SLC16A7: variants seen among roughly 807,000 people sequenced by gnomAD.
SLC16A7 encodes solute carrier family 16 member 7.
In SLC16A7, 33 loss-of-function variants were observed where a neutral mutation model predicts 34.9. The ratio of observed to expected loss-of-function variants is 0.94; its 90% CI spans 0.72 to 1.26. The LOEUF (loss-of-function observed/expected upper bound fraction) is 1.26, where lower values mean the gene tolerates loss of function less well. SLC16A7 is among the 50% of genes most tolerant of loss of function. The pLI is 0.00. For synonymous variants in SLC16A7, 201 were observed against 206.6 expected, an observed-to-expected ratio of 0.97 and a Z score of 0.23; for missense variants, 573 against 578.1, an observed-to-expected ratio of 0.99 and a Z score of 0.09.
intron 3 of SLC16A7, among the ~76,000 whole-genome samples, chr12:59,726,578 T>G (rs1267329344): frequency 6.6e-6 from 1 of 152,150 alleles, no homozygotes; most frequent in Non-Finnish European, 1.5e-5. Flanking sequence ...ATTAACCAGT[T>G]TCTGATCCAC....
At chr12:59,646,362 G>T (rs1456258224) in intron 1 of SLC16A7, among the ~76,000 whole-genome samples, 1 of 152,198 alleles carries the variant, frequency 6.6e-6, no homozygotes, top group Non-Finnish European at 1.5e-5. Flanking sequence ...AACGGGCCAA[G>T]GTACAGCTCA....
Position 59,765,545 on chromosome 12 carries a change from A to C in SLC16A7, c.218-5674A>C, listed in dbSNP as rs535480592. On this transcript the variant is annotated intron_variant, in intron 3 of 5. Coordinates refer to ENST00000547379, the MANE Select transcript of SLC16A7 (RefSeq NM_001270623.2). ...GGAAGGGATCCAGTTTCAGCTTTCTACATATGGCTAGCCAGTTTTCCCAGC... is the reference window on the plus strand; with the variant it reads ...GGAAGGGATCCAGTTTCAGCTTTCTCCATATGGCTAGCCAGTTTTCCCAGC... Among the ~76,000 whole-genome samples the C allele has an allele frequency of 1.8e-4, 28 of 152,288 alleles. No homozygotes were observed. In the South Asian group the frequency reaches 3.9e-3, roughly 21 times the overall value.
At chr12:59,756,130 G>A (rs1213712150) in intron 3 of SLC16A7, among the ~76,000 whole-genome samples, 2 of 152,124 alleles carry the variant, frequency 1.3e-5, no homozygotes, top group East Asian at 1.9e-4. Context: ...AGTCTTAAAC[G>A]TTAGACCTAA....
At chr12:59,627,011 G>A (rs111850656) in intron 1 of SLC16A7, among the ~76,000 whole-genome samples, 3 of 151,846 alleles carry the variant, frequency 2.0e-5, no homozygotes, top group Non-Finnish European at 4.4e-5. Flanking sequence ...AAAAGTACTC[G>A]ACCTTTAAAT....
chr12:59,698,338 A>T (rs906977102), intron 2 of SLC16A7, among the ~76,000 whole-genome samples: 4 of 151,798 alleles, frequency 2.6e-5, no homozygotes, highest in African/African-American at 7.2e-5. Context: ...GCACATTTTT[A>T]TTAAATTTAT....
At chr12:59,614,529 AT>A (rs1879347574) in intron 1 of SLC16A7, among the ~76,000 whole-genome samples, 1 of 152,070 alleles carries the variant, frequency 6.6e-6, no homozygotes, top group Non-Finnish European at 1.5e-5. Flanking sequence ...GAAAAATTAT[AT>A]ATTCTTTGCC....
chr12:59,774,710 T>C lies in SLC16A7; in HGVS notation c.415T>C (p.Phe139Leu). The C allele has an allele frequency of 6.2e-7, 1 of 1,611,866 alleles. No individual in the cohort carries two copies. Among genetic ancestry groups the C allele is most frequent in the South Asian group, 1.1e-5 (1 of 90,542 alleles). ...CGCCTTAACCATAATTGGCAAATAC[T>C]TCTATAGGAAGCGACCCATGGCAAA... ...QPALTIIGKYFYRKRPMANGL... is the reference protein window; with the variant it reads ...QPALTIIGKYLYRKRPMANGL... The change falls in exon 5 of 6, where the codon TTC becomes CTC. Residue 139 changes from phenylalanine to leucine, a missense_variant. By Grantham distance (22) the Phe-to-Leu change is conservative. Transcript: ENST00000547379.
intron 3 of SLC16A7, among the ~76,000 whole-genome samples, chr12:59,745,352 A>G (rs1299583386): frequency 6.6e-6 from 1 of 152,224 alleles, no homozygotes; most frequent in Non-Finnish European, 1.5e-5. Flanking sequence ...ATAGAGTCCT[A>G]TTGGGTTGGG....
At chr12:59,756,455 C>G (rs1880360363) in intron 3 of SLC16A7, among the ~76,000 whole-genome samples, 2 of 151,920 alleles carry the variant, frequency 1.3e-5, no homozygotes, top group South Asian at 2.1e-4. Flanking sequence ...AGGACATGAA[C>G]AGACACTTCT....
intron 1 of SLC16A7, among the ~76,000 whole-genome samples, chr12:59,599,018 T>C (rs547588553): frequency 2.9e-4 from 44 of 152,318 alleles, no homozygotes; most frequent in South Asian, 6.2e-4. Flanking sequence ...AGTTAGTAAG[T>C]GGTTGAGCTG....
chr12:59,730,359 A>G (rs1228436507), intron 3 of SLC16A7, among the ~76,000 whole-genome samples: 1 of 151,866 alleles, frequency 6.6e-6, no homozygotes, highest in Admixed American at 6.6e-5. Context: ...AAAAAAAAAA[A>G]AAACAGACAA....
intron 1 of SLC16A7, among the ~76,000 whole-genome samples, chr12:59,639,446 A>T (rs1027316237): frequency 2.6e-5 from 4 of 152,134 alleles, no homozygotes; most frequent in East Asian, 3.9e-4. Flanking sequence ...GTAGAGTGGT[A>T]CAATCAAAGC....
chr12:59,630,717 A>T (rs1406045005), intron 1 of SLC16A7, among the ~76,000 whole-genome samples: 2 of 151,932 alleles, frequency 1.3e-5, no homozygotes, highest in African/African-American at 2.4e-5. Context: ...CAAATTTCTA[A>T]TAGAGTTTTT....
At chr12:59,666,100 A>G (rs192712817) in intron 2 of SLC16A7, among the ~76,000 whole-genome samples, 1 of 152,264 alleles carries the variant, frequency 6.6e-6, no homozygotes, top group East Asian at 1.9e-4. Context: ...ATAACATTTC[A>G]TATATGAGGA....
chr12:59,763,293 T>A (rs1881214318), intron 3 of SLC16A7, among the ~76,000 whole-genome samples: 1 of 152,106 alleles, frequency 6.6e-6, no homozygotes, highest in South Asian at 2.1e-4. Context: ...AGTAACTTGT[T>A]CACATAATAA....
intron 2 of SLC16A7, among the ~76,000 whole-genome samples, chr12:59,694,336 C>A (rs967153969): frequency 1.4e-4 from 21 of 151,834 alleles, no homozygotes; most frequent in Admixed American, 1.4e-3. Context: ...TAAAACACTA[C>A]CTTTTTAAAA....
At chr12:59,731,873 T>G (rs997746956) in intron 3 of SLC16A7, among the ~76,000 whole-genome samples, 2 of 152,184 alleles carry the variant, frequency 1.3e-5, no homozygotes, top group Admixed American at 1.3e-4. Context: ...CACTAGAAGC[T>G]GTGTGACTCC....
intron 3 of SLC16A7, chr12:59,761,030 C>A: frequency 2.3e-6 from 1 of 443,818 alleles, no homozygotes; most frequent in Non-Finnish European, 4.0e-6. Context: ...TTTTAAACAA[C>A]TAGTCTTCAA....
chr12:59,684,904 A>G (rs941398215), intron 2 of SLC16A7, among the ~76,000 whole-genome samples: 1 of 152,270 alleles, frequency 6.6e-6, no homozygotes, highest in African/African-American at 2.4e-5. Context: ...AGAAAAATGG[A>G]CACAATGAGT....
Sources: gnomAD v4.1 joint callset for allele counts (sites outside exome capture counted in the v4.1 genomes callset) on GRCh38, gnomAD v4.1.1 for gene constraint, MANE v1.5 for transcripts, NCBI Gene and HGNC (gene_info 2026-07-23, HGNC 2026-07-21) for gene names.